ATP10B: variants seen among roughly 807,000 people sequenced by gnomAD.
ATP10B encodes the protein phospholipid-transporting ATPase VB.
A neutral mutation model predicts 141.2 loss-of-function variants in ATP10B; 122 were observed. That is an observed-to-expected ratio of 0.86 (90% CI 0.75 to 1.00). The LOEUF (loss-of-function observed/expected upper bound fraction) is 1.00. Among genes scored for constraint, ATP10B ranks in the 50% least tolerant of loss-of-function variants. The pLI is 0.00. For missense variants in ATP10B, 1,876 were observed against 1,825.3 expected, an observed-to-expected ratio of 1.03 and a Z score of -0.51; for synonymous variants, 685 against 692.0, an observed-to-expected ratio of 0.99 and a Z score of 0.16.
At chr5:160,638,540 A>G (rs1402256380) in intron 10 of ATP10B, among the ~76,000 whole-genome samples, 1 of 152,040 alleles carries the variant, frequency 6.6e-6, no homozygotes, top group Non-Finnish European at 1.5e-5. Flanking sequence ...TGCTCTCCTT[A>G]CAGCTGTGAG....
At chr5:160,888,626 A>C in the ATP10B span, among the ~76,000 whole-genome samples, 1 of 152,128 alleles carries the variant, frequency 6.6e-6, no homozygotes, top group Admixed American at 6.5e-5. Flanking sequence ...GGCAAGCAGC[A>C]AAACATTCAT....
chr5:160,862,586 A>C, the ATP10B span, among the ~76,000 whole-genome samples: 1 of 151,966 alleles, frequency 6.6e-6, no homozygotes, highest in Non-Finnish European at 1.5e-5. Flanking sequence ...AAAGCCTTTC[A>C]TGTCACTAAC....
intron 21 of ATP10B, among the ~76,000 whole-genome samples, chr5:160,601,085 T>G (rs1757076456): frequency 6.6e-6 from 1 of 152,230 alleles, no homozygotes; most frequent in African/African-American, 2.4e-5. Context: ...CATTTTGGAT[T>G]CTAAATAAAC....
chr5:160,782,882 C>G (rs1265798071), intron 2 of ATP10B, among the ~76,000 whole-genome samples: 1 of 152,030 alleles, frequency 6.6e-6, no homozygotes, highest in Non-Finnish European at 1.5e-5. Context: ...AAGGATCTCA[C>G]TATGTAACAT....
intron 9 of ATP10B, among the ~76,000 whole-genome samples, 158 bp downstream of exon 9, chr5:160,643,980 T>C (rs1760080331): frequency 6.6e-6 from 1 of 152,196 alleles, no homozygotes; most frequent in African/African-American, 2.4e-5. Context: ...TGAACTGCTG[T>C]GATTCCCAGC....
At chr5:160,774,822 CA>C in intron 2 of ATP10B, among the ~76,000 whole-genome samples, 1 of 152,280 alleles carries the variant, frequency 6.6e-6, no homozygotes, top group Non-Finnish European at 1.5e-5. Flanking sequence ...TTGTTTTCTG[CA>C]GGGGGCCTCT....
At chr5:160,915,412 A>AC in the ATP10B span, among the ~76,000 whole-genome samples, 1 of 150,806 alleles carries the variant, frequency 6.6e-6, no homozygotes, top group East Asian at 2.0e-4. Context: ...GCTCACTGCA[A>AC]CCTCTGCCTC....
At chr5:160,641,859 C>A (rs1458088559) in intron 9 of ATP10B, among the ~76,000 whole-genome samples, 1 of 152,204 alleles carries the variant, frequency 6.6e-6, no homozygotes, top group Non-Finnish European at 1.5e-5. Flanking sequence ...AAAGTAGCAA[C>A]AAAACAGTAG....
the ATP10B span, among the ~76,000 whole-genome samples, chr5:160,909,703 T>G: frequency 2.6e-5 from 4 of 152,234 alleles, no homozygotes; most frequent in Non-Finnish European, 5.9e-5. Flanking sequence ...TAGAATCACT[T>G]CTGTTTTTTC....
chr5:160,883,825 A>T, the ATP10B span, among the ~76,000 whole-genome samples: 1 of 152,142 alleles, frequency 6.6e-6, no homozygotes, highest in African/African-American at 2.4e-5. Flanking sequence ...TTAAGTTATT[A>T]AGAGTTTGAG....
At chr5:160,622,362 A>G in intron 14 of ATP10B, 32 bp downstream of exon 14, 2 of 1,572,662 alleles carry the variant, frequency 1.3e-6, no homozygotes, top group Non-Finnish European at 1.7e-6. Flanking sequence ...TACCTCCTTT[A>G]CCCTCCTCCC....
intron 21 of ATP10B, among the ~76,000 whole-genome samples, chr5:160,599,364 G>A (rs1253763235): frequency 1.3e-5 from 2 of 152,340 alleles, no homozygotes; most frequent in South Asian, 4.1e-4. Context: ...AGGACTTGGT[G>A]TACTATGATG....
At chr5:160,771,484 T>C (rs1769898776) in intron 2 of ATP10B, among the ~76,000 whole-genome samples, 2 of 152,242 alleles carry the variant, frequency 1.3e-5, no homozygotes, top group African/African-American at 4.8e-5. Flanking sequence ...AGATTTCTCA[T>C]AAATTTATTG....
At chr5:160,743,076 C>G (rs896485250) in intron 2 of ATP10B, among the ~76,000 whole-genome samples, 1 of 152,120 alleles carries the variant, frequency 6.6e-6, no homozygotes, top group Admixed American at 6.5e-5. Flanking sequence ...ACACTTTATA[C>G]ACAGTATTTT....
At chr5:160,911,652 C>A in the ATP10B span, among the ~76,000 whole-genome samples, 1 of 152,072 alleles carries the variant, frequency 6.6e-6, no homozygotes, top group Non-Finnish European at 1.5e-5. Context: ...ATATCTAGGT[C>A]CTAAGAAATG....
chr5:160,857,774 A>T, the ATP10B span, among the ~76,000 whole-genome samples: 8 of 151,766 alleles, frequency 5.3e-5, no homozygotes, highest in African/African-American at 1.9e-4. Context: ...TGAGCTATTT[A>T]GATGTGTATA....
chr5:160,921,105 G>A, the ATP10B span, among the ~76,000 whole-genome samples: 42 of 152,098 alleles, frequency 2.8e-4, no homozygotes, highest in South Asian at 6.2e-4. Flanking sequence ...GTCCTCTATC[G>A]GATTAAATAT....
At chr5:160,859,817 G>GA in the ATP10B span, among the ~76,000 whole-genome samples, 1 of 151,726 alleles carries the variant, frequency 6.6e-6, no homozygotes, top group African/African-American at 2.4e-5. Context: ...TTCTAATTGA[G>GA]AAAAGAAACT....
chr5:160,872,776 G>T, the ATP10B span, among the ~76,000 whole-genome samples: 1 of 151,966 alleles, frequency 6.6e-6, no homozygotes, highest in African/African-American at 2.4e-5. Flanking sequence ...TGGTGACTAC[G>T]GCCTTAGAGT....
Sources: gnomAD v4.1 joint callset for allele counts (sites outside exome capture counted in the v4.1 genomes callset) on GRCh38, gnomAD v4.1.1 for gene constraint, MANE v1.5 for transcripts, NCBI Gene and HGNC (gene_info 2026-07-23, HGNC 2026-07-21) for gene names.